CDH4: variants seen among roughly 807,000 people sequenced by gnomAD.
CDH4 encodes the protein cadherin-4.
CDH4 carries 33 observed loss-of-function variants against 86.0 expected under a neutral mutation model. The observed-to-expected ratio is 0.38, with a 90% CI of 0.29 to 0.51. CDH4 has a LOEUF of 0.51. Among genes scored for constraint, CDH4 ranks in the 20% least tolerant of loss-of-function variants. CDH4 has a pLI of 0.86. For missense variants in CDH4, 1,114 were observed against 1,307.4 expected (o/e 0.85, Z 2.28); for synonymous variants, 555 against 549.4 (o/e 1.01, Z -0.14).
intron 6 of CDH4, among the ~76,000 whole-genome samples, chr20:61,855,322 T>A (rs1982951139): frequency 6.6e-6 from 1 of 152,192 alleles, no homozygotes; most frequent in African/African-American, 2.4e-5. Flanking sequence ...CACGGGTGCA[T>A]CCAGTGTCAC....
intron 2 of CDH4, among the ~76,000 whole-genome samples, chr20:61,736,162 C>G (rs747739968): frequency 6.6e-6 from 1 of 152,164 alleles, no homozygotes; most frequent in African/African-American, 2.4e-5. Flanking sequence ...GTCCCCACCC[C>G]GAAGGTGTAG....
intron 2 of CDH4, among the ~76,000 whole-genome samples, chr20:61,457,495 G>A (rs1257832057): frequency 6.6e-6 from 1 of 152,234 alleles, no homozygotes; most frequent in Non-Finnish European, 1.5e-5. Context: ...GGTGGTGATA[G>A]TGATGGGGGA....
At chr20:61,758,654 C>T (rs1249497269) in intron 3 of CDH4, among the ~76,000 whole-genome samples, 4 of 152,194 alleles carry the variant, frequency 2.6e-5, no homozygotes, top group Admixed American at 6.5e-5. Flanking sequence ...CGTGGCACCG[C>T]GTCCCATGTA....
intron 2 of CDH4, among the ~76,000 whole-genome samples, chr20:61,315,782 C>T (rs1293537443): frequency 6.6e-6 from 1 of 152,244 alleles, no homozygotes; most frequent in African/African-American, 2.4e-5. Flanking sequence ...TAGCTCACTA[C>T]AGCCTCAAAC....
chr20:61,295,984 A>G (rs945296222), intron 2 of CDH4, among the ~76,000 whole-genome samples: 6 of 151,732 alleles, frequency 4.0e-5, no homozygotes, highest in African/African-American at 1.2e-4. Context: ...GGGAGGGTCT[A>G]CCCCCGCTGC....
intron 2 of CDH4, among the ~76,000 whole-genome samples, chr20:61,530,678 G>A (rs998225028): frequency 4.6e-5 from 7 of 152,160 alleles, no homozygotes; most frequent in African/African-American, 1.7e-4. Flanking sequence ...TGTGTCAGAA[G>A]TGTTTGATGC....
At chr20:61,691,676 C>G (rs1199872941) in intron 2 of CDH4, among the ~76,000 whole-genome samples, 2 of 152,214 alleles carry the variant, frequency 1.3e-5, no homozygotes, top group African/African-American at 4.8e-5. Flanking sequence ...GGCGGCAAAC[C>G]TGTCCATCCT....
intron 2 of CDH4, among the ~76,000 whole-genome samples, chr20:61,569,089 G>A (rs1294411940): frequency 6.6e-6 from 1 of 152,166 alleles, no homozygotes; most frequent in Admixed American, 6.5e-5. Context: ...CAGAGACCCT[G>A]GGGTTCAAAT....
At chr20:61,545,088 G>A (rs2086068354) in intron 2 of CDH4, among the ~76,000 whole-genome samples, 1 of 152,204 alleles carries the variant, frequency 6.6e-6, no homozygotes, top group Non-Finnish European at 1.5e-5. Context: ...CGGAGACAGT[G>A]TCTCCAGGGT....
chr20:61,868,892 C>T (rs2146141239), intron 6 of CDH4, among the ~76,000 whole-genome samples: 1 of 152,342 alleles, frequency 6.6e-6, no homozygotes, highest in South Asian at 2.1e-4. Flanking sequence ...ACCTGGCCCC[C>T]ACTGAGCCAA....
At chr20:61,730,363 G>A (rs1222559598) in intron 2 of CDH4, among the ~76,000 whole-genome samples, 1 of 152,076 alleles carries the variant, frequency 6.6e-6, no homozygotes, top group Non-Finnish European at 1.5e-5. Context: ...CTGTCTCTGT[G>A]GCTTTGCCAT....
chr20:61,548,761 G>C (rs1173139751), intron 2 of CDH4, among the ~76,000 whole-genome samples: 3 of 152,188 alleles, frequency 2.0e-5, no homozygotes, highest in Non-Finnish European at 4.4e-5. Context: ...GGTACACCGT[G>C]ACCATTATTC....
At chr20:61,401,600 C>T (rs550805148) in intron 2 of CDH4, among the ~76,000 whole-genome samples, 5 of 152,278 alleles carry the variant, frequency 3.3e-5, no homozygotes, top group South Asian at 2.1e-4. Context: ...TTCAAATGTC[C>T]GATCTCTTGA....
intron 4 of CDH4, among the ~76,000 whole-genome samples, chr20:61,787,009 G>A (rs1978913877): frequency 6.6e-6 from 1 of 152,250 alleles, no homozygotes; most frequent in African/African-American, 2.4e-5. Flanking sequence ...TCATTCTTCA[G>A]TTGTGGCCTT....
intron 2 of CDH4, among the ~76,000 whole-genome samples, chr20:61,594,020 G>A (rs1036056345): frequency 1.1e-4 from 15 of 138,926 alleles, no homozygotes; most frequent in African/African-American, 4.2e-4. Context: ...GTGGGAGAGA[G>A]GGAGGAGGGA....
At position 61,928,330 on chromosome 20, in the gene CDH4, G is replaced by A. The variant is rs921056239; in HGVS notation, c.1912G>A (p.Ala638Thr). The change falls in exon 12 of 16, where the codon GCT (alanine) becomes ACT (threonine). Residue 638 changes from alanine (A) to threonine (T), a missense_variant. Physicochemically the swap from Ala to Thr is moderately conservative, Grantham distance 58. Transcript: ENST00000614565. Reference protein sequence around the residue: ...LNAINITAADADVDPNIGPYV... With the variant: ...LNAINITAADTDVDPNIGPYV... ...CGCCATCAACATCACGGCGGCCGACGCTGACGTCGACCCCAACATCGGCCC... is the reference window on the plus strand; with the variant it reads ...CGCCATCAACATCACGGCGGCCGACACTGACGTCGACCCCAACATCGGCCC... 8.7e-6 allele frequency: 14 copies of A among 1,610,644 alleles called. No homozygotes were observed. The highest frequency in any genetic ancestry group is 1.3e-5 in the African/African-American group (1 of 74,932).
intron 2 of CDH4, among the ~76,000 whole-genome samples, chr20:61,627,408 C>A (rs1325374035): frequency 3.9e-5 from 6 of 152,162 alleles, no homozygotes; most frequent in Admixed American, 3.9e-4. Context: ...CGCTCATTGG[C>A]TGGGGTGGGG....
At chr20:61,407,502 A>G (rs1272385000) in intron 2 of CDH4, among the ~76,000 whole-genome samples, 2 of 152,342 alleles carry the variant, frequency 1.3e-5, no homozygotes, top group Middle Eastern at 3.4e-3. Flanking sequence ...TGGCTCAGAA[A>G]GGCCTAAATG....
chr20:61,842,586 C>G (rs6061858), intron 4 of CDH4, among the ~76,000 whole-genome samples: 12 of 152,326 alleles, frequency 7.9e-5, no homozygotes, highest in African/African-American at 2.9e-4. Flanking sequence ...CAATTTTCAC[C>G]TATGCTTGCA....
Sources: gnomAD v4.1 joint callset for allele counts (sites outside exome capture counted in the v4.1 genomes callset) on GRCh38, gnomAD v4.1.1 for gene constraint, MANE v1.5 for transcripts, NCBI Gene and HGNC (gene_info 2026-07-23, HGNC 2026-07-21) for gene names.